Variants in DLEC1 observed in about 807,000 individuals in gnomAD.
DLEC1 encodes the protein DLEC1 cilia and flagella associated protein.
DLEC1 carries 146 observed loss-of-function variants against 198.1 expected under a neutral mutation model. The ratio of observed to expected loss-of-function variants is 0.74; its 90% CI spans 0.64 to 0.85. The LOEUF is 0.85. DLEC1 is among the 40% of genes least tolerant of loss of function. The pLI, the probability that DLEC1 is intolerant of heterozygous loss-of-function variation, is 0.00. For synonymous variants in DLEC1, 897 were observed against 866.8 expected, an observed-to-expected ratio of 1.03 and a Z score of -0.61; for missense variants, 2,233 against 2,220.0, an observed-to-expected ratio of 1.01 and a Z score of -0.12.
At position 38,074,471 on chromosome 3, in the gene DLEC1, C is replaced by T. The variant is rs116918114; in HGVS notation, c.1174-9687C>T. On this transcript the variant is annotated intron_variant, in intron 6 of 36. Transcript: ENST00000308059. ...AAGCGTCTAAGGGTTGCTGCTTAAG[C>T]GGGCCATGAACTGGGCTGGGTTTTC... Among the ~76,000 whole-genome samples the T allele has an allele frequency of 7.5e-4, 115 of 152,350 alleles. No homozygotes were observed. In the East Asian group the frequency reaches 0.014, roughly 18 times the overall value.
At chr3:38,063,747 A>C in intron 5 of DLEC1, 94 bp from the exon 6 acceptor site, 2 of 908,486 alleles carry the variant, frequency 2.2e-6, no homozygotes, top group Admixed American at 3.8e-5. Context: ...GATGGTCTTT[A>C]TGTATTTATT....
chr3:38,093,831 C>T (rs1248050671), intron 12 of DLEC1, 64 bp downstream of exon 12: 1 of 1,589,244 alleles, frequency 6.3e-7, no homozygotes, highest in Non-Finnish European at 8.6e-7. Flanking sequence ...GCCCTCAGTC[C>T]CAGTGAGACA....
intron 11 of DLEC1, 86 bp from the exon 12 acceptor site, chr3:38,093,519 G>A: frequency 6.6e-7 from 1 of 1,511,378 alleles, no homozygotes; most frequent in Non-Finnish European, 9.1e-7. Flanking sequence ...AGCTGCATGT[G>A]GATGGCGGCA....
chr3:38,103,040 C>A (rs1284902283), intron 19 of DLEC1: 1 of 152,052 alleles, frequency 6.6e-6, no homozygotes, highest in African/African-American at 2.4e-5. Context: ...GTGTTATGTG[C>A]GTAGATTATA....
At chr3:38,104,473 C>T (rs1699467193) in intron 19 of DLEC1, among the ~76,000 whole-genome samples, 1 of 151,506 alleles carries the variant, frequency 6.6e-6, no homozygotes, top group South Asian at 2.1e-4. Flanking sequence ...CCCATCCCCC[C>T]AAAAAAAGAT....
chr3:38,101,956 C>T (rs2125707128), intron 19 of DLEC1, among the ~76,000 whole-genome samples: 3 of 152,274 alleles, frequency 2.0e-5, no homozygotes, highest in Middle Eastern at 3.4e-3. Context: ...TTTACAGTAG[C>T]AGGTGATGGA....
intron 5 of DLEC1, 61 bp from the exon 6 acceptor site, chr3:38,063,780 T>C (rs1179078905): frequency 2.5e-6 from 3 of 1,201,618 alleles, no homozygotes; most frequent in Non-Finnish European, 3.7e-6. Flanking sequence ...AGTCACTGCC[T>C]ACTATTTCAT....
intron 2 of DLEC1, chr3:38,052,159 G>A: frequency 2.4e-6 from 1 of 408,890 alleles, no homozygotes; most frequent in Non-Finnish European, 4.9e-6. Context: ...AGAGCCTCAA[G>A]ATCCCAGCAG....
At chr3:38,117,645 T>C in intron 32 of DLEC1, 34 bp downstream of exon 32, 1 of 1,613,600 alleles carries the variant, frequency 6.2e-7, no homozygotes, top group South Asian at 1.1e-5. Flanking sequence ...CCCTGCCAGC[T>C]TACCTGGACC....
intron 6 of DLEC1, among the ~76,000 whole-genome samples, chr3:38,083,304 T>A (rs1476762850): frequency 6.6e-6 from 1 of 150,864 alleles, no homozygotes; most frequent in Non-Finnish European, 1.5e-5. Context: ...GGTGGGGCTG[T>A]TTTATAAGAT....
intron 2 of DLEC1, among the ~76,000 whole-genome samples, chr3:38,049,370 C>T (rs1347289695): frequency 2.6e-5 from 4 of 152,176 alleles, no homozygotes; most frequent in Non-Finnish European, 4.4e-5. Flanking sequence ...AGGACATTCC[C>T]CTAAAAGTTT....
At position 38,107,150 on chromosome 3, in the gene DLEC1, G is replaced by T. The variant is rs189619661; in HGVS notation, c.2865-434G>T. On this transcript the variant is annotated intron_variant, in intron 19 of 36. Coordinates refer to ENST00000308059, the MANE Select transcript of DLEC1 (RefSeq NM_007335.4). The stretch of plus-strand genomic sequence containing the variant: ...GCTTAAGAGTTTAAAAATCCTGGGG[G>T]CTCAGTAGGTTCTCATGGTGAAAAC... Among the ~76,000 whole-genome samples the T allele has an allele frequency of 2.9e-4, 44 of 152,188 alleles. 1 individual carries two copies. Among genetic ancestry groups the T allele is most frequent in the Admixed American group, 1.8e-3 (27 of 15,280 alleles).
chr3:38,043,899 T>C (rs1700766263), intron 1 of DLEC1, among the ~76,000 whole-genome samples: 1 of 152,068 alleles, frequency 6.6e-6, no homozygotes, highest in South Asian at 2.1e-4. Context: ...AAATAAATCT[T>C]TGCGATCCCA....
At chr3:38,052,272 G>A in intron 2 of DLEC1, 1 of 476,830 alleles carries the variant, frequency 2.1e-6, no homozygotes, top group Non-Finnish European at 4.2e-6. Context: ...TGAAGGTGTG[G>A]GACCTCAACA....
intron 10 of DLEC1, among the ~76,000 whole-genome samples, chr3:38,090,275 T>G (rs1280160914): frequency 1.3e-5 from 2 of 152,230 alleles, no homozygotes; most frequent in Non-Finnish European, 2.9e-5. Flanking sequence ...CCCCAGTTCC[T>G]CAGCCATCCA....
At position 38,122,799 on chromosome 3, in the gene DLEC1, C is replaced by G; in HGVS notation, c.*387C>G. 1 of 1,041,688 alleles carries G rather than the reference C, an allele frequency of 9.6e-7. No homozygotes were observed. Among genetic ancestry groups the G allele is most frequent in the East Asian group, 2.7e-5 (1 of 36,980 alleles). The allele number at this position is 1,041,688 out of a possible 1,614,324, so 64.5% of individuals were successfully genotyped here. A position where few individuals can be genotyped will look rare whatever the true frequency, so the allele number is the denominator to read the frequency against. On this transcript the variant is annotated 3_prime_UTR_variant, in exon 37 of 37. Coordinates refer to ENST00000308059, the MANE Select transcript of DLEC1 (RefSeq NM_007335.4). ...TAAGAATTAACCATGGCCTTGTGGCCTGGGTGACCCAGGCTGCTTTTATCT... is the reference window on the plus strand; with the variant it reads ...TAAGAATTAACCATGGCCTTGTGGCGTGGGTGACCCAGGCTGCTTTTATCT...
In DLEC1 at chr3:38,112,511, C is replaced by A. The variant is rs1345782605; in HGVS notation, c.3666+150C>A. ...GCCCACCGAGCTTGGGATGGGCATT[C>A]GTGTCTGAGGCAGCCTCTGGGGTTC... On this transcript the variant is annotated intron_variant, in intron 25 of 36. Coordinates refer to ENST00000308059, the MANE Select transcript of DLEC1 (RefSeq NM_007335.4). This position sits in a 1 kb window ranked among gnomAD's most constrained non-coding sequence, Gnocchi z 4.8. The A allele has an allele frequency of 5.8e-6, 7 of 1,197,264 alleles. No individual in the cohort carries two copies. In the Admixed American group the frequency reaches 1.1e-4, roughly 20 times the overall value. The allele number at this position is 1,197,264 out of a possible 1,614,324, so 74.2% of individuals were successfully genotyped here.
chr3:38,086,792 T>C (rs971080354), intron 9 of DLEC1, among the ~76,000 whole-genome samples: 7 of 152,142 alleles, frequency 4.6e-5, no homozygotes, highest in African/African-American at 1.7e-4. Flanking sequence ...TAAGGAGATT[T>C]GGCCAGGCGC....
rs1306787368 is a variant in DLEC1 at position 38,039,642 on chromosome 3, G to A, written c.411+6G>A. Reference sequence around the variant, plus strand: ...TCGTGGACCAGCTGCAGCAGGTAACGTGGCGGTGGCGTCGCGTCTGCGGAC... The same window carrying A: ...TCGTGGACCAGCTGCAGCAGGTAACATGGCGGTGGCGTCGCGTCTGCGGAC... On this transcript the variant is annotated splice_donor_region_variant and intron_variant, in intron 1 of 36. Coordinates refer to ENST00000308059, the MANE Select transcript of DLEC1 (RefSeq NM_007335.4). 1 of 1,590,180 alleles carries A rather than the reference G, an allele frequency of 6.3e-7. No individual in the cohort carries two copies. The highest frequency in any genetic ancestry group is 8.6e-7 in the Non-Finnish European group (1 of 1,165,058).
Sources: allele counts gnomAD v4.1 joint callset (sites outside exome capture counted in the v4.1 genomes callset), GRCh38; gene constraint gnomAD v4.1.1; non-coding constraint Gnocchi (gnomAD v3.1); transcripts MANE v1.5; gene names NCBI Gene and HGNC (gene_info 2026-07-23, HGNC 2026-07-21).